CFAP74: variants seen among roughly 807,000 people sequenced by gnomAD.
CFAP74 encodes the protein cilia- and flagella-associated protein 74.
CFAP74 carries 124 observed loss-of-function variants against 188.9 expected under a neutral mutation model. That is an observed-to-expected ratio of 0.66 (90% CI 0.57 to 0.76). The LOEUF (loss-of-function observed/expected upper bound fraction) is 0.76, where lower values mean the gene tolerates loss of function less well. CFAP74 is among the 30% of genes least tolerant of loss of function. The pLI, the probability that CFAP74 is intolerant of heterozygous loss-of-function variation, is 0.00. For synonymous variants in CFAP74, 956 were observed against 916.7 expected (o/e 1.04, Z -0.77); for missense variants, 2,198 against 2,165.2 (o/e 1.02, Z -0.30).
chr1:1,986,488 C>A lies in CFAP74; in HGVS notation c.395+449G>T, dbSNP rs1239809803. 3.9e-5 allele frequency among the ~76,000 whole-genome samples: 6 copies of A among 152,308 alleles called. No individual in the cohort carries two copies. In the East Asian group the frequency reaches 1.2e-3, roughly 29 times the overall value. On this transcript the variant is annotated intron_variant, in intron 5 of 38. Transcript: ENST00000682832. The stretch of plus-strand genomic sequence containing the variant: ...GGCTGAACTCGGCAGGCCCTGCAGG[C>A]ACCTGGTGCCCCCAGAGGGTGAGGC...
At chr1:1,987,907 T>G (rs1570983464) in intron 4 of CFAP74, 1 of 321,524 alleles carries the variant, frequency 3.1e-6, no homozygotes, top group Non-Finnish European at 6.2e-6. Flanking sequence ...TTTCCCCGGG[T>G]GAAGTACCCA....
At chr1:2,000,929 G>A (rs543856253) in intron 1 of CFAP74, among the ~76,000 whole-genome samples, 3 of 152,268 alleles carry the variant, frequency 2.0e-5, no homozygotes, top group South Asian at 4.1e-4. Context: ...ACAGAGGCCC[G>A]CCTGATGCTC....
At chr1:1,952,266 T>A (rs1654244837) in intron 18 of CFAP74, among the ~76,000 whole-genome samples, 1 of 151,808 alleles carries the variant, frequency 6.6e-6, no homozygotes, top group Non-Finnish European at 1.5e-5. Flanking sequence ...GTGTTTCCAG[T>A]TCTGAGGCCA....
At chr1:1,928,704 C>T in intron 27 of CFAP74, 80 bp downstream of exon 27, 1 of 1,081,102 alleles carries the variant, frequency 9.2e-7, no homozygotes, top group Middle Eastern at 2.0e-4. Context: ...CGGAGCCCCC[C>T]AGGACTCGAA....
intron 5 of CFAP74, among the ~76,000 whole-genome samples, chr1:1,986,630 A>G (rs1304007922): frequency 6.6e-6 from 1 of 152,186 alleles, no homozygotes. Context: ...GGACGCATGC[A>G]GGCCTCTCAC....
At chr1:1,934,753 GGTT>G (rs1652725904) in intron 25 of CFAP74, among the ~76,000 whole-genome samples, 1 of 118,238 alleles carries the variant, frequency 8.5e-6, no homozygotes, top group Non-Finnish European at 1.8e-5. Flanking sequence ...GTGGGTGTTA[GGTT>G]GTAGGTACAC....
At chr1:1,967,063 C>G (rs1414243071) in intron 11 of CFAP74, among the ~76,000 whole-genome samples, 1 of 152,226 alleles carries the variant, frequency 6.6e-6, no homozygotes, top group Non-Finnish European at 1.5e-5. Context: ...GTCTCGAACT[C>G]TTGATCTCAT....
rs968968200 is a variant in CFAP74, at chr1:1,927,660, G to C, written c.3474C>G (p.Phe1158Leu). Residue 1158 changes from phenylalanine to leucine, a missense_variant, in exon 28 of 39, where the codon TTC becomes TTG. Coordinates refer to ENST00000682832, the MANE Select transcript of CFAP74 (RefSeq NM_001304360.2). ...CCAGGACGTGGGGGACAGAGACTTT[G>C]AACAGCTTGTCGCGGTTCTGTGCTC... Reference protein sequence around the residue: ...VLRAQNRDKLFKVSVPHVLEM... With the variant: ...VLRAQNRDKLLKVSVPHVLEM... 5 of 1,550,102 alleles carry C rather than the reference G, an allele frequency of 3.2e-6. No homozygotes were observed. In the African/African-American group the frequency reaches 5.5e-5, roughly 17 times the overall value.
chr1:1,960,478 G>A (rs991432725), intron 14 of CFAP74, among the ~76,000 whole-genome samples: 4 of 152,180 alleles, frequency 2.6e-5, no homozygotes, highest in African/African-American at 9.7e-5. Flanking sequence ...GGACCCTCGG[G>A]ACCCTCTCAG....
At chr1:1,950,626 C>T (rs1344834212) in intron 18 of CFAP74, among the ~76,000 whole-genome samples, 1 of 152,136 alleles carries the variant, frequency 6.6e-6, no homozygotes, top group Non-Finnish European at 1.5e-5. Context: ...AGGTGTGAGC[C>T]ACCGCGCCTA....
chr1:1,985,135 A>C, intron 6 of CFAP74: 1 of 447,366 alleles, frequency 2.2e-6, no homozygotes, highest in Non-Finnish European at 4.1e-6. Flanking sequence ...AAAGCATGAG[A>C]AACGAGGAAA....
At chr1:1,989,750 C>A (rs895947694) in intron 2 of CFAP74, among the ~76,000 whole-genome samples, 2 of 152,328 alleles carry the variant, frequency 1.3e-5, no homozygotes, top group East Asian at 1.9e-4. Context: ...CGTGGGCCAC[C>A]ACACCCGGCC....
chr1:1,953,844 G>A (rs1207277326), intron 18 of CFAP74: 2 of 152,620 alleles, frequency 1.3e-5, no homozygotes, highest in Non-Finnish European at 2.9e-5. Context: ...GAAATGACTG[G>A]TAAATATGCA....
intron 6 of CFAP74, among the ~76,000 whole-genome samples, chr1:1,974,496 G>A (rs1182859824): frequency 6.6e-6 from 1 of 152,222 alleles, no homozygotes; most frequent in African/African-American, 2.4e-5. Context: ...TGGGCCTGGG[G>A]CAGGCCCTGC....
chr1:1,969,478 C>T (rs577298929), intron 10 of CFAP74, among the ~76,000 whole-genome samples: 8 of 149,302 alleles, frequency 5.4e-5, no homozygotes, highest in East Asian at 2.3e-4. Context: ...CAGCCCTGCC[C>T]GGCCCAGCCC....
chr1:1,957,108 T>C lies in CFAP74; in HGVS notation c.1852-324A>G, dbSNP rs145759788. Among the ~76,000 whole-genome samples, 1,141 of 152,224 alleles carry C rather than the reference T, an allele frequency of 7.5e-3. 23 individuals carry two copies. The highest frequency in any genetic ancestry group is 0.026 in the African/African-American group (1,062 of 41,546). ...GGGCTTTGGAGGTCCTGAGGATGGA[T>C]GGTGTCATTCCTGGGTGAGGTCAGC... On this transcript the variant is annotated intron_variant, in intron 16 of 38. Coordinates refer to ENST00000682832, the MANE Select transcript of CFAP74 (RefSeq NM_001304360.2).
chr1:1,966,276 C>G, intron 12 of CFAP74, 95 bp downstream of exon 12: 1 of 1,203,840 alleles, frequency 8.3e-7, no homozygotes, highest in Non-Finnish European at 1.1e-6. Flanking sequence ...AGCCTCAGAG[C>G]AGCTGGTGTG....
chr1:1,949,462 G>A (rs1374381085), intron 18 of CFAP74, among the ~76,000 whole-genome samples: 1 of 151,958 alleles, frequency 6.6e-6, no homozygotes. Context: ...GCCAACCGCA[G>A]TACTTTCTGT....
At chr1:1,981,286 T>G (rs1480735503) in intron 6 of CFAP74, among the ~76,000 whole-genome samples, 1 of 151,682 alleles carries the variant, frequency 6.6e-6, no homozygotes, top group African/African-American at 2.4e-5. Context: ...ACAAAAGGAG[T>G]CACCACATTG....
Sources: gnomAD v4.1 joint callset for allele counts (sites outside exome capture counted in the v4.1 genomes callset) on GRCh38, gnomAD v4.1.1 for gene constraint, MANE v1.5 for transcripts, NCBI Gene and HGNC (gene_info 2026-07-23, HGNC 2026-07-21) for gene names.